Variants in ST6GALNAC3 observed in about 807,000 individuals in gnomAD.
ST6GALNAC3 encodes alpha-N-acetylgalactosaminide alpha-2,6-sialyltransferase 3.
ST6GALNAC3 carries 25 observed loss-of-function variants against 32.7 expected under a neutral mutation model. The ratio of observed to expected loss-of-function variants is 0.76; its 90% confidence interval spans 0.56 to 1.07. The LOEUF is 1.07. Among genes scored for constraint, ST6GALNAC3 ranks in the 50% least tolerant of loss-of-function variants. The pLI, the probability that ST6GALNAC3 is intolerant of heterozygous loss-of-function variation, is 0.00. For synonymous variants in ST6GALNAC3, 129 were observed against 133.1 expected (o/e 0.97, Z 0.21); for missense variants, 355 against 382.4 (o/e 0.93, Z 0.60).
At chr1:76,345,313 G>C (rs967112087) in intron 2 of ST6GALNAC3, among the ~76,000 whole-genome samples, 2 of 152,100 alleles carry the variant, frequency 1.3e-5, no homozygotes, top group Admixed American at 1.3e-4. Flanking sequence ...CAATGGAATA[G>C]TAAGGAAGAA....
intron 1 of ST6GALNAC3, among the ~76,000 whole-genome samples, chr1:76,249,060 T>C (rs1229515854): frequency 1.3e-5 from 2 of 152,310 alleles, no homozygotes; most frequent in East Asian, 3.9e-4. Context: ...GAGATTAGGG[T>C]ATATAGTCAT....
At chr1:76,495,893 G>A (rs1323941974) in intron 3 of ST6GALNAC3, among the ~76,000 whole-genome samples, 1 of 152,096 alleles carries the variant, frequency 6.6e-6, no homozygotes, top group African/African-American at 2.4e-5. Context: ...TATAGCGGAG[G>A]AAACCTTCCA....
intron 2 of ST6GALNAC3, among the ~76,000 whole-genome samples, chr1:76,355,741 T>C (rs1284016288): frequency 6.6e-6 from 1 of 152,202 alleles, no homozygotes; most frequent in East Asian, 1.9e-4. Flanking sequence ...TCCTTTAAAC[T>C]ACAAGATTAT....
intron 3 of ST6GALNAC3, among the ~76,000 whole-genome samples, chr1:76,598,061 T>G (rs1647165218): frequency 6.6e-6 from 1 of 152,180 alleles, no homozygotes; most frequent in Non-Finnish European, 1.5e-5. Context: ...ATCTGCAGAT[T>G]CTCTGGTGAG....
At chr1:76,482,166 ACATG>A (rs1222506506) in intron 3 of ST6GALNAC3, among the ~76,000 whole-genome samples, 2 of 151,698 alleles carry the variant, frequency 1.3e-5, no homozygotes, top group South Asian at 4.1e-4. Flanking sequence ...ACACACACAC[ACATG>A]CACTTCATCT....
intron 3 of ST6GALNAC3, among the ~76,000 whole-genome samples, chr1:76,592,455 G>A (rs139132015): frequency 1.1e-3 from 161 of 152,258 alleles, no homozygotes; most frequent in African/African-American, 3.6e-3. Context: ...AGATCACTTT[G>A]GGGCATGGTA....
chr1:76,500,396 A>T (rs1661110083), intron 3 of ST6GALNAC3, among the ~76,000 whole-genome samples: 1 of 152,166 alleles, frequency 6.6e-6, no homozygotes, highest in African/African-American at 2.4e-5. Context: ...ACAAACTACA[A>T]GTACCCATTC....
intron 3 of ST6GALNAC3, among the ~76,000 whole-genome samples, chr1:76,549,061 T>G (rs540399809): frequency 6.6e-6 from 1 of 152,332 alleles, no homozygotes; most frequent in African/African-American, 2.4e-5. Context: ...AGGATTCTGG[T>G]TATCAAAATT....
At chr1:76,519,509 GA>G (rs1277925625) in intron 3 of ST6GALNAC3, among the ~76,000 whole-genome samples, 3 of 152,062 alleles carry the variant, frequency 2.0e-5, no homozygotes, top group Non-Finnish European at 4.4e-5. Flanking sequence ...CTGACGAACT[GA>G]ATTTTAAAAT....
intron 3 of ST6GALNAC3, among the ~76,000 whole-genome samples, chr1:76,596,559 T>C (rs1647140659): frequency 6.6e-6 from 1 of 152,256 alleles, no homozygotes; most frequent in South Asian, 2.1e-4. Flanking sequence ...TCTTGTATTC[T>C]GATCTTCGTC....
At chr1:76,215,901 GAGA>G (rs1428193645) in intron 1 of ST6GALNAC3, among the ~76,000 whole-genome samples, 1 of 152,210 alleles carries the variant, frequency 6.6e-6, no homozygotes, top group East Asian at 1.9e-4. Context: ...GTGCTTTCTA[GAGA>G]TGGTGGGCTT....
chr1:76,386,911 A>T (rs1652139000), intron 2 of ST6GALNAC3, among the ~76,000 whole-genome samples: 1 of 152,142 alleles, frequency 6.6e-6, no homozygotes, highest in Admixed American at 6.5e-5. Context: ...AAAGTTAAAC[A>T]TGGAAGTTTT....
intron 1 of ST6GALNAC3, among the ~76,000 whole-genome samples, chr1:76,197,514 A>T (rs1178924984): frequency 1.3e-5 from 2 of 152,178 alleles, no homozygotes; most frequent in Non-Finnish European, 2.9e-5. Flanking sequence ...AGGGTAAGTG[A>T]TGCCTGAGCT....
rs536163593 is a variant in ST6GALNAC3, at chr1:76,555,965, T to A, written c.624-71487T>A. ...GTATTCAGAGTTGTGCAACCATCAC[T>A]GCAACCAATTTTAGAACATTTTTAT... On this transcript the variant is annotated intron_variant, in intron 3 of 4. Coordinates refer to ENST00000328299, the MANE Select transcript of ST6GALNAC3 (RefSeq NM_152996.4). 3.0e-4 allele frequency among the ~76,000 whole-genome samples: 46 copies of A among 152,188 alleles called. No homozygotes were observed. In the Middle Eastern group the frequency reaches 0.017, roughly 56 times the overall value.
chr1:76,174,600 C>T (rs1652730433), intron 1 of ST6GALNAC3, among the ~76,000 whole-genome samples: 1 of 151,562 alleles, frequency 6.6e-6, no homozygotes, highest in African/African-American at 2.4e-5. Flanking sequence ...TTTTACTTAG[C>T]TCAGATCATG....
At chr1:76,425,049 C>T (rs1193173854) in intron 3 of ST6GALNAC3, among the ~76,000 whole-genome samples, 1 of 151,700 alleles carries the variant, frequency 6.6e-6, no homozygotes, top group East Asian at 1.9e-4. Context: ...GCAGATCACC[C>T]CGATGAAAAT....
chr1:76,524,992 A>G (rs1048476545), intron 3 of ST6GALNAC3, among the ~76,000 whole-genome samples: 3 of 152,120 alleles, frequency 2.0e-5, no homozygotes, highest in Non-Finnish European at 2.9e-5. Flanking sequence ...AATATTACCT[A>G]CCACATAAAA....
chr1:76,099,433 G>A (rs377659360), intron 1 of ST6GALNAC3, among the ~76,000 whole-genome samples: 2 of 152,058 alleles, frequency 1.3e-5, no homozygotes, highest in Admixed American at 6.6e-5. Flanking sequence ...CCCTTTATTC[G>A]TAATTGCTCC....
chr1:76,159,461 G>A lies in ST6GALNAC3; in HGVS notation c.18+84577G>A, dbSNP rs552645017. Among the ~76,000 whole-genome samples the A allele has an allele frequency of 3.9e-5, 6 of 152,316 alleles. No homozygotes were observed. The East Asian group carries it at 1.2e-3, about 29-fold the overall frequency. ...GGCTTTCCAAAGTGCTGTTGTTACA[G>A]GCATGAGCCACCGCACCCGGTCTGG... On this transcript the variant is annotated intron_variant, in intron 1 of 4. Coordinates refer to ENST00000328299, the MANE Select transcript of ST6GALNAC3 (RefSeq NM_152996.4).
Sources: allele counts gnomAD v4.1 joint callset (sites outside exome capture counted in the v4.1 genomes callset), GRCh38; gene constraint gnomAD v4.1.1; transcripts MANE v1.5; gene names NCBI Gene and HGNC (gene_info 2026-07-23, HGNC 2026-07-21).